Variants in MAST4 observed in about 807,000 individuals in gnomAD.
The protein encoded by MAST4 is microtubule-associated serine/threonine-protein kinase 4.
Under a neutral mutation model 162.7 loss-of-function variants are expected in MAST4, and 89 were observed. The observed-to-expected ratio is 0.55, with a 90% CI of 0.46 to 0.65. The LOEUF (loss-of-function observed/expected upper bound fraction) is 0.65, where lower values mean the gene tolerates loss of function less well. MAST4 is among the 30% of genes least tolerant of loss of function. The pLI is 0.00. For missense variants in MAST4, 3,153 were observed against 3,374.0 expected, an observed-to-expected ratio of 0.93 and a Z score of 1.62; for synonymous variants, 1,479 against 1,361.1, an observed-to-expected ratio of 1.09 and a Z score of -1.91.
intron 3 of MAST4, among the ~76,000 whole-genome samples, chr5:66,859,902 G>A (rs1759974627): frequency 6.6e-6 from 1 of 152,160 alleles, no homozygotes; most frequent in South Asian, 2.1e-4. Flanking sequence ...TTTTAGAATT[G>A]AACTTTTAAT....
At chr5:66,917,545 C>G (rs1764195012) in intron 4 of MAST4, among the ~76,000 whole-genome samples, 1 of 150,924 alleles carries the variant, frequency 6.6e-6, no homozygotes, top group African/African-American at 2.4e-5. Flanking sequence ...AAAAAACATT[C>G]AATCTTCAAC....
intron 3 of MAST4, among the ~76,000 whole-genome samples, chr5:66,838,695 G>A (rs2149782102): frequency 6.6e-6 from 1 of 152,314 alleles, no homozygotes. Context: ...GATGGTGAAG[G>A]ATGAACAGGT....
intron 3 of MAST4, among the ~76,000 whole-genome samples, chr5:66,875,888 G>A (rs1364692544): frequency 6.6e-6 from 1 of 152,130 alleles, no homozygotes; most frequent in South Asian, 2.1e-4. Context: ...CAGACTCCCA[G>A]GTAGCTAGGA....
At chr5:66,796,508 C>T (rs1249463824) in intron 3 of MAST4, among the ~76,000 whole-genome samples, 1 of 152,034 alleles carries the variant, frequency 6.6e-6, no homozygotes, top group Non-Finnish European at 1.5e-5. Flanking sequence ...TGGGTCTCTG[C>T]GTGGGTGTGC....
Position 66,642,056 on chromosome 5 carries a change from A to G in MAST4, c.363+45038A>G, listed in dbSNP as rs557279717. On this transcript the variant is annotated intron_variant, in intron 1 of 28. Coordinates refer to ENST00000403625, the MANE Select transcript of MAST4 (RefSeq NM_001164664.2). ...CCTAATAAAATAATGGATTCAGGCA[A>G]TGATCATTAATAACTCCTAATATCA... 5.3e-5 allele frequency among the ~76,000 whole-genome samples: 8 copies of G among 152,354 alleles called. No individual in the cohort carries two copies. The South Asian group carries it at 8.3e-4, about 16-fold the overall frequency.
At chr5:66,819,690 G>T (rs554984980) in intron 3 of MAST4, among the ~76,000 whole-genome samples, 13 of 150,874 alleles carry the variant, frequency 8.6e-5, no homozygotes, top group African/African-American at 3.2e-4. Context: ...TCCATTTTGT[G>T]TTTACATTTT....
At chr5:67,110,257 A>G in intron 11 of MAST4, 58 bp downstream of exon 11, 1 of 1,246,120 alleles carries the variant, frequency 8.0e-7, no homozygotes, top group Non-Finnish European at 1.2e-6. Context: ...AGCAGTTACC[A>G]TCAGAAAGCT....
chr5:66,720,945 T>TAA (rs746436196), intron 1 of MAST4, among the ~76,000 whole-genome samples: 26 of 152,092 alleles, frequency 1.7e-4, no homozygotes, highest in Non-Finnish European at 3.2e-4. Context: ...CCCCATCCCA[T>TAA]TTCAGCATCG....
intron 14 of MAST4, among the ~76,000 whole-genome samples, chr5:67,126,654 G>C (rs1288983903): frequency 1.3e-5 from 2 of 152,156 alleles, no homozygotes; most frequent in African/African-American, 4.8e-5. Context: ...TAGCCTTGTA[G>C]TATAGTTTGA....
Position 66,718,253 on chromosome 5 carries a change from GTTTGTTTT to G in MAST4, c.364-41439_364-41432del, listed in dbSNP as rs908923474. Among the ~76,000 whole-genome samples, 45 of 142,234 alleles carry G rather than the reference GTTTGTTTT, an allele frequency of 3.2e-4. 1 individual carries two copies. The highest frequency in any genetic ancestry group is 1.4e-3 in the Admixed American group (20 of 14,360). 93.3% of individuals were successfully genotyped at this position (142,234 alleles called of 152,430 possible). On this transcript the variant is annotated intron_variant, in intron 1 of 28. Transcript: ENST00000403625. ...GGGACTCTATTTGAAGGTTTTTTTT[GTTTGTTTT>G]TTTGTTTTTTTGTTTTCAAAGCACC...
At chr5:66,838,383 C>T (rs752910807) in intron 3 of MAST4, among the ~76,000 whole-genome samples, 54 of 152,068 alleles carry the variant, frequency 3.6e-4, no homozygotes, top group Admixed American at 5.2e-4. Context: ...CTTTGCTTTT[C>T]TTTCAATAAA....
chr5:66,669,744 G>A lies in MAST4; in HGVS notation c.363+72726G>A, dbSNP rs542735236. Among the ~76,000 whole-genome samples the A allele has an allele frequency of 9.7e-4, 148 of 152,308 alleles. 1 individual carries two copies. The highest frequency in any genetic ancestry group is 3.9e-3 in the Admixed American group (60 of 15,304). ...CTGGAGAGCTTGCAAGAGCCAAGAG[G>A]CACTGTTTCTGGAATGAGAGAGTGA... On this transcript the variant is annotated intron_variant, in intron 1 of 28. Coordinates refer to ENST00000403625, the MANE Select transcript of MAST4 (RefSeq NM_001164664.2).
At chr5:66,812,626 C>T (rs1005721243) in intron 3 of MAST4, among the ~76,000 whole-genome samples, 10 of 152,106 alleles carry the variant, frequency 6.6e-5, no homozygotes, top group East Asian at 3.9e-4. Context: ...GTGGGTCAGA[C>T]GGTTGAATTA....
chr5:66,822,624 G>T (rs1468681388), intron 3 of MAST4, among the ~76,000 whole-genome samples: 1 of 152,088 alleles, frequency 6.6e-6, no homozygotes, highest in African/African-American at 2.4e-5. Context: ...TGCCCAGGGG[G>T]GTATCTCTAG....
chr5:67,003,326 C>T (rs1406126283), intron 4 of MAST4, among the ~76,000 whole-genome samples: 1 of 152,098 alleles, frequency 6.6e-6, no homozygotes, highest in Non-Finnish European at 1.5e-5. Context: ...GGAGATAACG[C>T]ATACGAAAGC....
At chr5:66,925,441 A>G (rs1764828282) in intron 4 of MAST4, among the ~76,000 whole-genome samples, 1 of 152,216 alleles carries the variant, frequency 6.6e-6, no homozygotes, top group African/African-American at 2.4e-5. Context: ...AACACATTTA[A>G]TAGGTTCCAG....
intron 1 of MAST4, among the ~76,000 whole-genome samples, chr5:66,598,760 C>G (rs1205618835): frequency 6.6e-6 from 1 of 152,172 alleles, no homozygotes; most frequent in Admixed American, 6.5e-5. Flanking sequence ...TTCTATTTAG[C>G]TAGGAGGGTG....
intron 3 of MAST4, among the ~76,000 whole-genome samples, chr5:66,864,294 A>G (rs766030789): frequency 1.9e-4 from 29 of 152,340 alleles, no homozygotes; most frequent in Non-Finnish European, 3.2e-4. Flanking sequence ...ATTCTTTGCA[A>G]AATACTTAAG....
At chr5:66,617,371 G>A (rs1046646902) in intron 1 of MAST4, among the ~76,000 whole-genome samples, 6 of 152,120 alleles carry the variant, frequency 3.9e-5, no homozygotes, top group African/African-American at 1.4e-4. Flanking sequence ...CCATTTCCTG[G>A]TTAAGGAAAG....
Sources: gnomAD v4.1 joint callset for allele counts (sites outside exome capture counted in the v4.1 genomes callset) on GRCh38, gnomAD v4.1.1 for gene constraint, MANE v1.5 for transcripts, NCBI Gene and HGNC (gene_info 2026-07-23, HGNC 2026-07-21) for gene names.